The following CEP350 variants were observed in gnomAD, a reference collection of about 807,000 sequenced individuals.
CEP350 encodes centrosome-associated protein 350.
CEP350 carries 126 observed loss-of-function variants against 331.8 expected under a neutral mutation model. The ratio of observed to expected loss-of-function variants is 0.38; its 90% confidence interval spans 0.33 to 0.44. The LOEUF is 0.44. Among genes scored for constraint, CEP350 ranks in the 20% least tolerant of loss-of-function variants. CEP350 has a pLI of 1.00. For missense variants in CEP350, 3,406 were observed against 3,634.6 expected, an observed-to-expected ratio of 0.94 and a Z score of 1.62; for synonymous variants, 1,200 against 1,259.5, an observed-to-expected ratio of 0.95 and a Z score of 1.00.
chr1:180,064,850 A>G (rs1325672834), intron 26 of CEP350, among the ~76,000 whole-genome samples: 1 of 152,024 alleles, frequency 6.6e-6, no homozygotes, highest in Non-Finnish European at 1.5e-5. Flanking sequence ...TGGATTTCTT[A>G]CATTTCTTCT....
At chr1:180,043,942 T>A in intron 20 of CEP350, 109 bp from the exon 21 acceptor site, 1 of 940,296 alleles carries the variant, frequency 1.1e-6, no homozygotes, top group Non-Finnish European at 1.5e-6. Context: ...AGTTATTTTA[T>A]AATATCTATT....
At position 180,094,151 on chromosome 1, in the gene CEP350, A is replaced by G. The variant is rs1558155927; in HGVS notation, c.8046A>G (p.Glu2682=). 1.2e-6 allele frequency: 2 copies of G among 1,613,746 alleles called. No individual in the cohort carries two copies. The highest frequency in any genetic ancestry group is 1.1e-5 in the South Asian group (1 of 91,014). The change falls in exon 34 of 38, where the codon GAA becomes GAG. Residue 2682 remains glutamate (E), a synonymous_variant. Coordinates refer to ENST00000367607, the MANE Select transcript of CEP350 (RefSeq NM_014810.5). The part of the protein sequence containing the change: ...DATEKVSIAA[E]DDTLDNTFSE... ...CAGAAAAGGTTTCCATCGCTGCAGAAGATGACACTTTAGACAATACCTTTT... is the reference window on the plus strand; with the variant it reads ...CAGAAAAGGTTTCCATCGCTGCAGAGGATGACACTTTAGACAATACCTTTT...
chr1:180,001,563 A>C (rs1653872385), intron 6 of CEP350, among the ~76,000 whole-genome samples: 1 of 152,102 alleles, frequency 6.6e-6, no homozygotes, highest in Non-Finnish European at 1.5e-5. Flanking sequence ...CCGGCCAAAG[A>C]GTAGGGATAA....
chr1:180,090,982 C>T (rs985343513), intron 33 of CEP350, among the ~76,000 whole-genome samples, 186 bp downstream of exon 33: 1 of 151,406 alleles, frequency 6.6e-6, no homozygotes, highest in Non-Finnish European at 1.5e-5. Context: ...TTATATGAAT[C>T]CTTTTTGTTT....
rs545232885 is a variant in CEP350 at position 179,959,213 on chromosome 1, TAGAG to T, written c.-14+4074_-14+4077del. The stretch of plus-strand genomic sequence containing the variant: ...GGCTCACGCCTGTAATCCCAGCTCT[TAGAG>T]AGGCCGAGGCAAGTGGGTCACTTGA... On this transcript the variant is annotated intron_variant, in intron 1 of 37. Transcript: ENST00000367607. Among the ~76,000 whole-genome samples the T allele has an allele frequency of 3.5e-4, 53 of 152,338 alleles. No individual in the cohort carries two copies. In the East Asian group the frequency reaches 6.5e-3, roughly 19 times the overall value.
At chr1:180,052,420 G>A in intron 22 of CEP350, 2 of 320,464 alleles carry the variant, frequency 6.2e-6, no homozygotes, top group Non-Finnish European at 1.2e-5. Context: ...TAGGGCTGTA[G>A]GGAAAATACA....
At chr1:180,101,237 A>G (rs982721203) in intron 37 of CEP350, among the ~76,000 whole-genome samples, 6 of 152,200 alleles carry the variant, frequency 3.9e-5, no homozygotes, top group Admixed American at 2.6e-4. Flanking sequence ...TTAGCTTCCT[A>G]CAGAGAGACC....
chr1:179,977,593 A>ATTT (rs1651965675), intron 1 of CEP350, among the ~76,000 whole-genome samples: 3 of 152,166 alleles, frequency 2.0e-5, no homozygotes, highest in African/African-American at 7.2e-5. Flanking sequence ...CAGATAATTG[A>ATTT]AGATCATTTG....
At chr1:180,022,883 A>G in intron 13 of CEP350, 35 bp downstream of exon 13, 1 of 1,536,304 alleles carries the variant, frequency 6.5e-7, no homozygotes, top group Non-Finnish European at 8.8e-7. Context: ...TAAACTCTGA[A>G]GAGTGAGAAA....
At chr1:180,009,032 T>C (rs954617853) in intron 8 of CEP350, among the ~76,000 whole-genome samples, 14 of 152,230 alleles carry the variant, frequency 9.2e-5, no homozygotes, top group Non-Finnish European at 8.8e-5. Context: ...ACTTTATTTT[T>C]TGAGACAGAG....
intron 31 of CEP350, among the ~76,000 whole-genome samples, chr1:180,086,678 A>G (rs1197433586): frequency 1.3e-5 from 2 of 152,172 alleles, no homozygotes; most frequent in Non-Finnish European, 2.9e-5. Flanking sequence ...GTCCTCATAT[A>G]TACCTATTGA....
In CEP350 at chr1:179,990,490, T is replaced by C. The variant is rs1558082570; in HGVS notation, c.121-17T>C. On this transcript the variant is annotated splice_polypyrimidine_tract_variant and intron_variant, in intron 3 of 37. Coordinates refer to ENST00000367607, the MANE Select transcript of CEP350 (RefSeq NM_014810.5). ...TACAGAATTAACTTATGTCTTATGA[T>C]GGTGTTTAAACTTTAGCTGAGACAC... is the stretch of plus-strand genomic sequence containing the variant. 2 of 1,295,318 alleles carry C rather than the reference T, an allele frequency of 1.5e-6. No homozygotes were observed. Among genetic ancestry groups the C allele is most frequent in the Admixed American group, 2.0e-5 (1 of 51,230 alleles). 80.2% of individuals were successfully genotyped at this position (1,295,318 alleles called of 1,614,324 possible). A position where few individuals can be genotyped will look rare whatever the true frequency, so the allele number is the denominator to read the frequency against.
At chr1:180,026,707 G>A (rs1558110636) in intron 14 of CEP350, among the ~76,000 whole-genome samples, 1 of 152,118 alleles carries the variant, frequency 6.6e-6, no homozygotes, top group Admixed American at 6.5e-5. Flanking sequence ...CATATAAGTG[G>A]AATAATAGAG....
chr1:179,992,122 G>C lies in CEP350; in HGVS notation c.296G>C (p.Arg99Pro). 6.4e-7 allele frequency: 1 copy of C among 1,550,754 alleles called. No individual in the cohort carries two copies. Among genetic ancestry groups the C allele is most frequent in the South Asian group, 1.2e-5 (1 of 81,410 alleles). The part of the protein sequence containing the change: ...NAPISKSTKS[R>P]KEKSRSPLRA... ...CCAATCTCCAAATCCACTAAATCAC[G>C]AAAAGAGAAATCTCGTAGTCCTCTC... is the stretch of plus-strand genomic sequence containing the variant. The change falls in exon 5 of 38, where the codon CGA becomes CCA. Residue 99 changes from arginine to proline, a missense_variant. Transcript: ENST00000367607.
intron 28 of CEP350, among the ~76,000 whole-genome samples, chr1:180,076,174 G>A (rs1169681185): frequency 2.0e-5 from 3 of 151,622 alleles, no homozygotes. Context: ...GATTAAAGGC[G>A]GCAGTTGGGG....
intron 26 of CEP350, 26 bp from the exon 27 acceptor site, chr1:180,065,089 A>G: frequency 6.4e-7 from 1 of 1,568,288 alleles, no homozygotes; most frequent in Non-Finnish European, 8.6e-7. Flanking sequence ...AAAGTCCAAT[A>G]CAATTTTGCC....
intron 6 of CEP350, 26 bp downstream of exon 6, chr1:179,997,201 C>G: frequency 6.3e-7 from 1 of 1,581,152 alleles, no homozygotes; most frequent in Non-Finnish European, 8.6e-7. Flanking sequence ...TTATATCTTC[C>G]TCTCCCTGCT....
At chr1:180,053,328 C>T (rs1287545810) in intron 23 of CEP350, among the ~76,000 whole-genome samples, 162 bp downstream of exon 23, 1 of 152,164 alleles carries the variant, frequency 6.6e-6, no homozygotes, top group East Asian at 1.9e-4. Flanking sequence ...TTTCACTTTC[C>T]TTACAAAGTA....
chr1:180,029,270 G>T (rs908622177), intron 14 of CEP350, among the ~76,000 whole-genome samples: 13 of 152,076 alleles, frequency 8.5e-5, no homozygotes, highest in Non-Finnish European at 8.8e-5. Context: ...TGCACAGAAT[G>T]TTATCTTGTC....
Sources: allele counts gnomAD v4.1 joint callset (sites outside exome capture counted in the v4.1 genomes callset), GRCh38; gene constraint gnomAD v4.1.1; transcripts MANE v1.5; gene names NCBI Gene and HGNC (gene_info 2026-07-23, HGNC 2026-07-21).